Variants in MRTFA observed in about 807,000 individuals in gnomAD.
MRTFA encodes the protein myocardin related transcription factor A.
MRTFA carries 20 observed loss-of-function variants against 83.5 expected under a neutral mutation model. The ratio of observed to expected loss-of-function variants is 0.24; its 90% CI spans 0.17 to 0.35. The LOEUF (loss-of-function observed/expected upper bound fraction) is 0.35, where lower values mean the gene tolerates loss of function less well. Ranked by LOEUF, MRTFA falls within the 10% of genes least tolerant of loss-of-function variation. MRTFA has a pLI of 1.00. For missense variants in MRTFA, 1,200 were observed against 1,224.7 expected (o/e 0.98, Z 0.30); for synonymous variants, 659 against 541.2 (o/e 1.22, Z -3.02).
At chr22:40,564,263 G>C (rs1259845739) in intron 2 of MRTFA, among the ~76,000 whole-genome samples, 1 of 152,106 alleles carries the variant, frequency 6.6e-6, no homozygotes, top group East Asian at 1.9e-4. Flanking sequence ...GTTGGGTCGA[G>C]GGACCAAAGA....
intron 3 of MRTFA, chr22:40,522,304 G>A (rs1026485118): frequency 6.6e-6 from 1 of 152,178 alleles, no homozygotes; most frequent in Admixed American, 6.6e-5. Context: ...CAGTAGAACA[G>A]AAAATCCCCA....
chr22:40,414,371 C>T (rs1044500785), intron 14 of MRTFA, among the ~76,000 whole-genome samples: 16 of 152,114 alleles, frequency 1.1e-4, no homozygotes, highest in African/African-American at 2.4e-4. Context: ...CCATATGATC[C>T]GGCAATTCCA....
In MRTFA at chr22:40,421,017, C is replaced by T. The variant is rs1288603599; in HGVS notation, c.1011G>A (p.Lys337=). 1 of 1,593,438 alleles carries T rather than the reference C, an allele frequency of 6.3e-7. No individual in the cohort carries two copies. The highest frequency in any genetic ancestry group is 1.1e-5 in the South Asian group (1 of 88,440). ...GGTCCGGGGGGATGTACTGGTGGTA[C>T]TTGAGCTTCTTCACCTTTGGCTTCA... The change falls in exon 10 of 15, where the codon AAG becomes AAA. Residue 337 remains lysine (K), a synonymous_variant. Coordinates refer to ENST00000355630, the MANE Select transcript of MRTFA (RefSeq NM_020831.6).
chr22:40,514,474 ATTT>A (rs979030081), intron 3 of MRTFA, among the ~76,000 whole-genome samples: 8 of 129,092 alleles, frequency 6.2e-5, no homozygotes, highest in African/African-American at 8.6e-5. Context: ...TCCCTCCTAC[ATTT>A]TTTTTTTTTT....
In MRTFA at chr22:40,419,401, A is replaced by T. The variant is rs1269461982; in HGVS notation, c.1354-17T>A. On this transcript the variant is annotated splice_polypyrimidine_tract_variant and intron_variant, in intron 11 of 14. Transcript: ENST00000355630. Reference sequence around the variant, plus strand: ...CTCTGCCACCTGCAAGGCAGTCAAGAGTCAGGGAGGCCAGGGGCAGCTGGA... The same window carrying T: ...CTCTGCCACCTGCAAGGCAGTCAAGTGTCAGGGAGGCCAGGGGCAGCTGGA... 1.2e-6 allele frequency: 2 copies of T among 1,611,128 alleles called. No individual in the cohort carries two copies. The highest frequency in any genetic ancestry group is 1.7e-6 in the Non-Finnish European group (2 of 1,179,394).
intron 2 of MRTFA, among the ~76,000 whole-genome samples, chr22:40,571,707 AG>A (rs2055795882): frequency 6.6e-6 from 1 of 151,916 alleles, no homozygotes; most frequent in African/African-American, 2.4e-5. Context: ...TCACGAGACC[AG>A]GAGATTGAGA....
At chr22:40,451,810 T>C (rs1412823379) in intron 4 of MRTFA, among the ~76,000 whole-genome samples, 1 of 152,132 alleles carries the variant, frequency 6.6e-6, no homozygotes, top group East Asian at 1.9e-4. Context: ...TTCACTCCAG[T>C]ATACTTTTTG....
intron 3 of MRTFA, among the ~76,000 whole-genome samples, chr22:40,487,938 A>G (rs2054200920): frequency 6.6e-6 from 1 of 152,194 alleles, no homozygotes; most frequent in African/African-American, 2.4e-5. Context: ...CATGTATAAA[A>G]ATGCTTTGCT....
In MRTFA at chr22:40,418,896, C is replaced by A. The variant is rs758846884; in HGVS notation, c.1842G>T (p.Gly614=). Residue 614 remains glycine (G), a synonymous_variant, in exon 12 of 15, where the codon GGG becomes GGT. Coordinates refer to ENST00000355630, the MANE Select transcript of MRTFA (RefSeq NM_020831.6). ...TGTCGCGCCCCTCTAGCTCCGCCCG[C>A]CCCCCAGGGCTCAGGCAACAGGACC... 10 of 1,612,488 alleles carry A rather than the reference C, an allele frequency of 6.2e-6. No individual in the cohort carries two copies. In the Admixed American group the frequency reaches 1.5e-4, roughly 24 times the overall value.
intron 4 of MRTFA, chr22:40,436,371 A>G (rs9306345): frequency 0.18 from 27,566 of 154,364 alleles, 2,728 homozygotes; most frequent in East Asian, 0.25. Context: ...TCCACTCGGC[A>G]CTATTTCCTT....
intron 3 of MRTFA, among the ~76,000 whole-genome samples, chr22:40,496,037 T>A (rs1182781315): frequency 1.3e-5 from 2 of 150,270 alleles, no homozygotes; most frequent in African/African-American, 4.9e-5. Context: ...CTGCACTCCA[T>A]CCCGGGCCAC....
At chr22:40,446,388 C>T (rs978231703) in intron 4 of MRTFA, among the ~76,000 whole-genome samples, 10 of 152,146 alleles carry the variant, frequency 6.6e-5, no homozygotes, top group Admixed American at 4.6e-4. Context: ...AATGGTTGTG[C>T]TATTAACACT....
chr22:40,489,124 T>G (rs2054224084), intron 3 of MRTFA, among the ~76,000 whole-genome samples: 1 of 152,062 alleles, frequency 6.6e-6, no homozygotes, highest in Non-Finnish European at 1.5e-5. Flanking sequence ...TATTAAGAAT[T>G]TATAATAATA....
At chr22:40,566,754 A>G (rs2055709494) in intron 2 of MRTFA, among the ~76,000 whole-genome samples, 3 of 151,942 alleles carry the variant, frequency 2.0e-5, no homozygotes, top group Non-Finnish European at 4.4e-5. Flanking sequence ...AATCACTTGA[A>G]CCCGCGAGGC....
At chr22:40,449,893 A>G (rs2053455627) in intron 4 of MRTFA, among the ~76,000 whole-genome samples, 3 of 152,202 alleles carry the variant, frequency 2.0e-5, no homozygotes, top group Admixed American at 2.0e-4. Flanking sequence ...CCACACCCTG[A>G]TATTTTTATC....
intron 3 of MRTFA, among the ~76,000 whole-genome samples, chr22:40,489,640 G>A (rs2054237894): frequency 6.6e-6 from 1 of 152,054 alleles, no homozygotes; most frequent in Non-Finnish European, 1.5e-5. Context: ...TCAAGACTGA[G>A]TCAATATACA....
At chr22:40,510,894 T>A (rs567223483) in intron 3 of MRTFA, among the ~76,000 whole-genome samples, 16 of 152,136 alleles carry the variant, frequency 1.1e-4, no homozygotes, top group East Asian at 1.9e-4. Flanking sequence ...GTGCTTTTTT[T>A]AAAAAAAGCA....
At chr22:40,596,841 G>C (rs2056198615) in intron 1 of MRTFA, among the ~76,000 whole-genome samples, 1 of 151,900 alleles carries the variant, frequency 6.6e-6, no homozygotes, top group Admixed American at 6.6e-5. Context: ...TCGGAGTGGT[G>C]GTACACACCT....
chr22:40,422,053 G>A (rs951747301), intron 9 of MRTFA, among the ~76,000 whole-genome samples: 1 of 152,188 alleles, frequency 6.6e-6, no homozygotes, highest in Admixed American at 6.5e-5. Flanking sequence ...GGGCTGTGGG[G>A]CCAGGATTGC....
Sources: allele counts gnomAD v4.1 joint callset (sites outside exome capture counted in the v4.1 genomes callset), GRCh38; gene constraint gnomAD v4.1.1; transcripts MANE v1.5; gene names NCBI Gene and HGNC (gene_info 2026-07-23, HGNC 2026-07-21).